MELK: variants seen among roughly 807,000 people sequenced by gnomAD.
The protein encoded by MELK is maternal embryonic leucine zipper kinase.
MELK carries 81 observed loss-of-function variants against 85.0 expected under a neutral mutation model. The observed-to-expected ratio is 0.95, with a 90% CI of 0.80 to 1.15. The LOEUF (loss-of-function observed/expected upper bound fraction) is 1.15, where lower values mean the gene tolerates loss of function less well. Ranked by LOEUF, MELK falls within the 50% of genes most tolerant of loss-of-function variation. The pLI, the probability that MELK is intolerant of heterozygous loss-of-function variation, is 0.00. For missense variants in MELK, 754 were observed against 777.5 expected (o/e 0.97, Z 0.36); for synonymous variants, 252 against 265.0 (o/e 0.95, Z 0.48).
chr9:36,580,880 C>T (rs1822167294), intron 1 of MELK, among the ~76,000 whole-genome samples: 1 of 152,166 alleles, frequency 6.6e-6, no homozygotes, highest in South Asian at 2.1e-4. Flanking sequence ...AGGTGAATGC[C>T]ACCCCGCTTG....
intron 8 of MELK, among the ~76,000 whole-genome samples, chr9:36,629,843 G>GT (rs11298711): frequency 0.14 from 15,952 of 111,454 alleles, 1,483 homozygotes; most frequent in East Asian, 0.26. Flanking sequence ...GCAAGAAATT[G>GT]TTTTTTTTTT....
At chr9:36,664,732 T>C (rs1832167514) in intron 13 of MELK, among the ~76,000 whole-genome samples, 2 of 152,202 alleles carry the variant, frequency 1.3e-5, no homozygotes, top group South Asian at 2.1e-4. Flanking sequence ...TGGTTCTAAC[T>C]CACCACCTTG....
intron 1 of MELK, among the ~76,000 whole-genome samples, chr9:36,580,300 T>A (rs1017405100): frequency 6.6e-6 from 1 of 151,760 alleles, no homozygotes; most frequent in Non-Finnish European, 1.5e-5. Flanking sequence ...AGTGTGGGGG[T>A]TACAGGCGTG....
chr9:36,614,422 T>C (rs1333140362), intron 8 of MELK, among the ~76,000 whole-genome samples: 1 of 70,014 alleles, frequency 1.4e-5, no homozygotes, highest in Non-Finnish European at 2.7e-5. Context: ...AAATTATTTT[T>C]GGGTTTTTTT....
chr9:36,599,541 C>A (rs2135580027), intron 7 of MELK, 55 bp downstream of exon 7: 1 of 1,350,326 alleles, frequency 7.4e-7, no homozygotes, highest in East Asian at 2.3e-5. Flanking sequence ...ATATTGGTCA[C>A]CTGTAGTGAG....
intron 13 of MELK, among the ~76,000 whole-genome samples, chr9:36,657,716 C>G (rs1000903245): frequency 1.3e-5 from 2 of 152,150 alleles, no homozygotes; most frequent in African/African-American, 4.8e-5. Context: ...TCCTGAGTAG[C>G]TGGGATTACA....
At chr9:36,588,068 G>T (rs1823126042) in intron 3 of MELK, among the ~76,000 whole-genome samples, 1 of 151,396 alleles carries the variant, frequency 6.6e-6, no homozygotes, top group Non-Finnish European at 1.5e-5. Context: ...CACCCAATCA[G>T]AGTCCTTTTT....
chr9:36,660,520 A>G (rs1042756928), intron 13 of MELK, among the ~76,000 whole-genome samples: 15 of 151,732 alleles, frequency 9.9e-5, no homozygotes, highest in Non-Finnish European at 1.9e-4. Context: ...CAGGGTCTCA[A>G]TATTTTGCCC....
chr9:36,623,938 G>T (rs1005973465), intron 8 of MELK, among the ~76,000 whole-genome samples: 2 of 152,172 alleles, frequency 1.3e-5, no homozygotes, highest in African/African-American at 4.8e-5. Context: ...TAATAATAAT[G>T]GTAGTAATAG....
At chr9:36,604,268 CTTTTTTTTTTT>C (rs10598117) in intron 7 of MELK, among the ~76,000 whole-genome samples, 23 of 33,782 alleles carry the variant, frequency 6.8e-4, no homozygotes, top group Non-Finnish European at 2.5e-4. Flanking sequence ...CGCGCCCGGG[CTTTTTTTTTTT>C]TTTTTTTTTT....
intron 8 of MELK, among the ~76,000 whole-genome samples, chr9:36,616,169 C>T (rs944780932): frequency 1.3e-5 from 2 of 152,114 alleles, no homozygotes; most frequent in Non-Finnish European, 2.9e-5. Context: ...AAAATTGACC[C>T]TTTGTATATA....
At chr9:36,581,923 A>C (rs1822283703) in intron 2 of MELK, among the ~76,000 whole-genome samples, 184 bp downstream of exon 2, 1 of 152,062 alleles carries the variant, frequency 6.6e-6, no homozygotes, top group Admixed American at 6.6e-5. Flanking sequence ...GGTTATTGCA[A>C]GGACTTTGAC....
chr9:36,582,219 C>T (rs545286760), intron 2 of MELK, among the ~76,000 whole-genome samples: 59 of 152,222 alleles, frequency 3.9e-4, no homozygotes, highest in South Asian at 1.2e-3. Flanking sequence ...CCACCCGCCT[C>T]GGCCTCCCAA....
At chr9:36,651,510 G>A (rs1270581953) in intron 11 of MELK, among the ~76,000 whole-genome samples, 2 of 152,104 alleles carry the variant, frequency 1.3e-5, no homozygotes, top group Non-Finnish European at 2.9e-5. Context: ...TGGAAATACA[G>A]AATTAATAGC....
chr9:36,646,905 C>T (rs187318799), intron 11 of MELK, among the ~76,000 whole-genome samples: 1 of 152,332 alleles, frequency 6.6e-6, no homozygotes, highest in African/African-American at 2.4e-5. Flanking sequence ...AGAAATGGAA[C>T]TTTCTCACAG....
At chr9:36,608,225 C>T (rs1303745607) in intron 8 of MELK, among the ~76,000 whole-genome samples, 1 of 139,708 alleles carries the variant, frequency 7.2e-6, no homozygotes, top group Non-Finnish European at 1.5e-5. Flanking sequence ...GCTTGCAGAG[C>T]CGAGATTACG....
intron 4 of MELK, among the ~76,000 whole-genome samples, chr9:36,591,400 G>A (rs1823549652): frequency 1.3e-5 from 2 of 151,042 alleles, no homozygotes; most frequent in African/African-American, 4.9e-5. Context: ...TGGGAAAACC[G>A]CATTTCTACA....
rs981073398 is a variant in MELK at position 36,656,378 on chromosome 9, T to G, written c.1054-863T>G. Reference sequence around the variant, plus strand: ...AGTATGCTATATAACATAAGAATGTTGCAAGACATATTATTTGAGAGTCGG... The same window carrying G: ...AGTATGCTATATAACATAAGAATGTGGCAAGACATATTATTTGAGAGTCGG... On this transcript the variant is annotated intron_variant, in intron 12 of 17. Transcript: ENST00000298048. 4.6e-5 allele frequency among the ~76,000 whole-genome samples: 7 copies of G among 152,236 alleles called. No homozygotes were observed. In the East Asian group the frequency reaches 1.3e-3, roughly 29 times the overall value.
At chr9:36,640,456 T>G (rs1233581289) in intron 10 of MELK, among the ~76,000 whole-genome samples, 2 of 151,752 alleles carry the variant, frequency 1.3e-5, no homozygotes, top group Non-Finnish European at 2.9e-5. Context: ...TTTCTTTTTC[T>G]TTTTTAAAGA....
Sources: gnomAD v4.1 joint callset for allele counts (sites outside exome capture counted in the v4.1 genomes callset) on GRCh38, gnomAD v4.1.1 for gene constraint, MANE v1.5 for transcripts, NCBI Gene and HGNC (gene_info 2026-07-23, HGNC 2026-07-21) for gene names.